MORC3: variants seen among roughly 807,000 people sequenced by gnomAD.
MORC3 encodes the protein MORC family CW-type zinc finger 3.
A neutral mutation model predicts 109.1 loss-of-function variants in MORC3; 31 were observed. The ratio of observed to expected loss-of-function variants is 0.28; its 90% CI spans 0.21 to 0.38. The LOEUF (loss-of-function observed/expected upper bound fraction) is 0.38, where lower values mean the gene tolerates loss of function less well. MORC3 is among the 10% of genes least tolerant of loss of function. The pLI is 1.00. For synonymous variants in MORC3, 395 were observed against 380.7 expected (o/e 1.04, Z -0.44); for missense variants, 867 against 1,135.8 (o/e 0.76, Z 3.40).
At chr21:36,338,752 G>C (rs751858986) in intron 4 of MORC3, 22 bp from the exon 5 acceptor site, 24 of 1,578,626 alleles carry the variant, frequency 1.5e-5, no homozygotes, top group Non-Finnish European at 2.0e-5. Flanking sequence ...TTGTCAATCT[G>C]AGTCTTTAAC....
intron 4 of MORC3, 51 bp downstream of exon 4, chr21:36,337,997 T>C (rs2085393109): frequency 1.3e-6 from 2 of 1,576,620 alleles, no homozygotes; most frequent in Non-Finnish European, 1.7e-6. Context: ...AAGAAATAAT[T>C]TGGAAACATT....
intron 12 of MORC3, chr21:36,360,522 T>C (rs2085701405): frequency 2.6e-6 from 1 of 381,922 alleles, no homozygotes; most frequent in East Asian, 4.0e-5. Flanking sequence ...GAGGAATCAT[T>C]AGTGAATACC....
chr21:36,375,290 T>A lies in MORC3; in HGVS notation c.2814T>A (p.Ser938Arg). 6.2e-7 allele frequency: 1 copy of A among 1,609,954 alleles called. No homozygotes were observed. Among genetic ancestry groups the A allele is most frequent in the Non-Finnish European group, 8.5e-7 (1 of 1,177,016 alleles). Residue 938 changes from serine (S) to arginine (R), a missense_variant, in exon 17 of 17, where the codon AGT becomes AGA. Around this residue, in one of 7 missense-constraint regions of MORC3, gnomAD observed 34 missense variants for 35.2 expected, o/e 0.97. Coordinates refer to ENST00000400485, the MANE Select transcript of MORC3 (RefSeq NM_015358.3). ...QVVEQMSEIS[S>R]T ...TTGAACAAATGAGTGAAATCAGTAG[T>A]ACTTAAAGTATATGTTATGTAAGAT...
intron 13 of MORC3, among the ~76,000 whole-genome samples, chr21:36,363,574 G>A (rs2085744385): frequency 6.6e-6 from 1 of 152,200 alleles, no homozygotes. Context: ...ATCATAAAGT[G>A]TTGAGTATCT....
intron 8 of MORC3, among the ~76,000 whole-genome samples, chr21:36,348,454 C>T (rs1367781886): frequency 1.3e-5 from 2 of 152,192 alleles, no homozygotes; most frequent in Non-Finnish European, 2.9e-5. Flanking sequence ...GTTGCCCAGG[C>T]TGGAGTGCAA....
chr21:36,322,318 A>G, intron 1 of MORC3, among the ~76,000 whole-genome samples: 1 of 148,078 alleles, frequency 6.8e-6, no homozygotes, highest in East Asian at 1.9e-4. Context: ...TGTATTTGTC[A>G]AAAGTCCTAC....
chr21:36,333,750 T>C, intron 2 of MORC3, 32 bp downstream of exon 2: 1 of 1,465,866 alleles, frequency 6.8e-7, no homozygotes, highest in East Asian at 2.3e-5. Flanking sequence ...ATACCATTTG[T>C]TGCTTACAAT....
At position 36,341,070 on chromosome 21, in the gene MORC3, T is replaced by C. The variant is rs574574728; in HGVS notation, c.609-329T>C. On this transcript the variant is annotated intron_variant, in intron 5 of 16. Transcript: ENST00000400485. ...GCTGTAAACATTTGTGTACACAGTT[T>C]TGTGGGAATATAGTCTTCATTTTTC... Among the ~76,000 whole-genome samples the C allele has an allele frequency of 4.8e-4, 73 of 152,338 alleles. 1 individual carries two copies. In the South Asian group the frequency reaches 0.015, roughly 31 times the overall value.
chr21:36,324,728 C>T (rs1430220617), intron 1 of MORC3, among the ~76,000 whole-genome samples: 5 of 141,980 alleles, frequency 3.5e-5, no homozygotes, highest in African/African-American at 5.2e-5. Flanking sequence ...TTTTTTGAGC[C>T]GGGAGTTTCA....
chr21:36,323,391 G>A (rs1240871954), intron 1 of MORC3, among the ~76,000 whole-genome samples: 1 of 152,078 alleles, frequency 6.6e-6, no homozygotes, highest in Non-Finnish European at 1.5e-5. Flanking sequence ...ACACCTCAAA[G>A]TGTTGTTTTA....
Position 36,369,506 on chromosome 21 carries a change from A to T in MORC3, c.2138A>T (p.Tyr713Phe). Reference protein sequence around the residue: ...LLLVTEEKENYKRQCHMFTDQ... With the variant: ...LLLVTEEKENFKRQCHMFTDQ... ...CTTGTCACTGAGGAAAAAGAGAATTATAAAAGACAGTGTCATATGTTTACT... is the reference window on the plus strand; with the variant it reads ...CTTGTCACTGAGGAAAAAGAGAATTTTAAAAGACAGTGTCATATGTTTACT... The change falls in exon 15 of 17, where the codon TAT becomes TTT. Residue 713 changes from tyrosine to phenylalanine, a missense_variant. Transcript: ENST00000400485. The T allele has an allele frequency of 6.2e-7, 1 of 1,614,228 alleles. No individual in the cohort carries two copies. Among genetic ancestry groups the T allele is most frequent in the African/African-American group, 1.3e-5 (1 of 75,062 alleles).
At chr21:36,342,759 A>C (rs748308446) in intron 6 of MORC3, among the ~76,000 whole-genome samples, 23 of 151,736 alleles carry the variant, frequency 1.5e-4, no homozygotes, top group African/African-American at 5.6e-4. Context: ...TGGCTCACAC[A>C]TGTAATCCCA....
intron 8 of MORC3, 85 bp downstream of exon 8, chr21:36,345,116 T>C (rs1324231813): frequency 7.5e-7 from 1 of 1,329,634 alleles, no homozygotes; most frequent in Non-Finnish European, 1.0e-6. Flanking sequence ...AAATGTTAAA[T>C]AATTTTATTG....
At chr21:36,345,835 G>T (rs2085501739) in intron 8 of MORC3, among the ~76,000 whole-genome samples, 1 of 151,796 alleles carries the variant, frequency 6.6e-6, no homozygotes, top group South Asian at 2.1e-4. Context: ...GGGATTACAG[G>T]TGTGAGCCAC....
At chr21:36,356,571 T>G in intron 9 of MORC3, 49 bp from the exon 10 acceptor site, 2 of 1,247,212 alleles carry the variant, frequency 1.6e-6, no homozygotes, top group Non-Finnish European at 2.2e-6. Flanking sequence ...TTATTTATGA[T>G]TTATGTTTGA....
In MORC3 at chr21:36,338,843, C is replaced by A. The variant is rs779667536; in HGVS notation, c.530C>A (p.Thr177Lys). ...ATTCTGGAACATTCTCTGTTTTCCA[C>A]GGAACAGAAGTTACTGGCAGAACTT... ...AAILEHSLFS[T>K]EQKLLAELDA... Residue 177 changes from threonine to lysine, a missense_variant, in exon 5 of 17, where the codon ACG (threonine) becomes AAG (lysine). By Grantham distance (78) the Thr-to-Lys change is moderately conservative (BLOSUM62 -1). Transcript: ENST00000400485. 2.5e-6 allele frequency: 4 copies of A among 1,613,572 alleles called. No individual in the cohort carries two copies. The African/African-American group carries it at 5.3e-5, about 22-fold the overall frequency.
chr21:36,324,402 C>T (rs547159570), intron 1 of MORC3, among the ~76,000 whole-genome samples: 230 of 151,842 alleles, frequency 1.5e-3, no homozygotes, highest in Admixed American at 3.1e-3. Context: ...CTCAGCCTCC[C>T]GAGTAGCTGG....
Position 36,344,572 on chromosome 21 carries a change from T to C in MORC3, c.757-7T>C. On this transcript the variant is annotated splice_region_variant and splice_polypyrimidine_tract_variant and intron_variant, in intron 6 of 16. Transcript: ENST00000400485. ...AGATACTAACTTCTTGTTATGTTAT[T>C]TTCCAGGCTTATTGCAGTATATTAT... is the stretch of plus-strand genomic sequence containing the variant. The C allele has an allele frequency of 6.2e-7, 1 of 1,611,968 alleles. No individual in the cohort carries two copies. Among genetic ancestry groups the C allele is most frequent in the Non-Finnish European group, 8.5e-7 (1 of 1,179,212 alleles).
intron 14 of MORC3, 87 bp downstream of exon 14, chr21:36,364,346 T>C (rs759651341): frequency 7.3e-7 from 1 of 1,366,430 alleles, no homozygotes; most frequent in Non-Finnish European, 1.0e-6. Context: ...CAATTCGGGA[T>C]CATTGTAGGT....
Sources: gnomAD v4.1 joint callset for allele counts (sites outside exome capture counted in the v4.1 genomes callset) on GRCh38, gnomAD v4.1.1 for gene constraint, gnomAD v4.1.1 regional missense constraint, MANE v1.5 for transcripts, NCBI Gene and HGNC (gene_info 2026-07-23, HGNC 2026-07-21) for gene names.